Variants in ZNF813 observed in about 807,000 individuals in gnomAD.
The protein encoded by ZNF813 is zinc finger protein 813.
In ZNF813, 3 loss-of-function variants were observed where a neutral mutation model predicts 7.2. That is an observed-to-expected ratio of 0.42 (90% confidence interval 0.19 to 1.08). The LOEUF is 1.08. Among genes scored for constraint, ZNF813 ranks in the 50% least tolerant of loss-of-function variants. ZNF813 has a pLI of 0.30. For synonymous variants in ZNF813, 227 were observed against 256.3 expected (o/e 0.89, Z 1.09); for missense variants, 714 against 753.3 (o/e 0.95, Z 0.61).
intron 2 of ZNF813, among the ~76,000 whole-genome samples, chr19:53,486,351 G>C (rs1477585294): frequency 6.6e-6 from 1 of 151,826 alleles, no homozygotes. Context: ...GGAGGCTAAG[G>C]CAGGAGAATC....
chr19:53,470,963 G>A (rs1298253298), intron 1 of ZNF813, among the ~76,000 whole-genome samples: 8 of 152,098 alleles, frequency 5.3e-5, no homozygotes, highest in Non-Finnish European at 8.8e-5. Context: ...TTTATGATGC[G>A]GTTAAGCATG....
chr19:53,471,621 A>T (rs919704614), intron 1 of ZNF813, among the ~76,000 whole-genome samples: 4 of 152,100 alleles, frequency 2.6e-5, no homozygotes, highest in Middle Eastern at 3.4e-3. Context: ...CATCCTGGCT[A>T]ACACGGTGAA....
intron 3 of ZNF813, 134 bp from the exon 4 acceptor site, chr19:53,490,241 C>CTT (rs2086452667): frequency 1.9e-6 from 2 of 1,053,870 alleles, no homozygotes; most frequent in Admixed American, 5.4e-5. Flanking sequence ...GAATCTTACG[C>CTT]TTTTGTGTTC....
At chr19:53,476,796 T>A (rs1241302326) in intron 1 of ZNF813, among the ~76,000 whole-genome samples, 1 of 152,038 alleles carries the variant, frequency 6.6e-6, no homozygotes, top group Non-Finnish European at 1.5e-5. Flanking sequence ...TCTGAGTAGC[T>A]GGGACTACAG....
rs1412126866 is a variant in ZNF813 at position 53,492,180 on chromosome 19, A to G, written c.*94A>G. On this transcript the variant is annotated 3_prime_UTR_variant, in exon 4 of 4. Coordinates refer to ENST00000396403, the MANE Select transcript of ZNF813 (RefSeq NM_001004301.4). ...CCTTCTGTCACAATTCAGTCCTTGT[A>G]ATTCATAAGAATTCATACTGGAGAG... 3 of 1,495,644 alleles carry G rather than the reference A, an allele frequency of 2.0e-6. No homozygotes were observed. Among genetic ancestry groups the G allele is most frequent in the Non-Finnish European group, 2.7e-6 (3 of 1,109,634 alleles). The allele number at this position is 1,495,644 out of a possible 1,614,324, so 92.6% of individuals were successfully genotyped here.
rs1489522887 is a variant in ZNF813, at chr19:53,468,806, C to A, written c.-74+1017C>A. Among the ~76,000 whole-genome samples, 14 of 132,278 alleles carry A rather than the reference C, an allele frequency of 1.1e-4. 1 individual carries two copies. In the South Asian group the frequency reaches 3.6e-3, roughly 34 times the overall value. The allele number at this position is 132,278 out of a possible 152,430, so 86.8% of individuals were successfully genotyped here. Reference sequence around the variant, plus strand: ...GGAAATGGTCAGCTTTACACCTAGACATTCCATTCCCAGGGACCAGCAGGA... The same window carrying A: ...GGAAATGGTCAGCTTTACACCTAGAAATTCCATTCCCAGGGACCAGCAGGA... On this transcript the variant is annotated intron_variant, in intron 1 of 3. Coordinates refer to ENST00000396403, the MANE Select transcript of ZNF813 (RefSeq NM_001004301.4).
chr19:53,479,662 A>T, intron 1 of ZNF813: 1 of 1,199,128 alleles, frequency 8.3e-7, no homozygotes, highest in Non-Finnish European at 1.2e-6. Context: ...AGAAGATGGA[A>T]CTCCAGGAAA....
chr19:53,476,115 G>A (rs1448313968), intron 1 of ZNF813, among the ~76,000 whole-genome samples: 2 of 152,148 alleles, frequency 1.3e-5, no homozygotes, highest in South Asian at 2.1e-4. Flanking sequence ...GGCTCACTAT[G>A]ACACCTAGAT....
intron 1 of ZNF813, among the ~76,000 whole-genome samples, chr19:53,474,669 A>G (rs546224415): frequency 4.6e-5 from 7 of 151,876 alleles, no homozygotes; most frequent in African/African-American, 1.7e-4. Flanking sequence ...AGCCTGGGTG[A>G]CAGAGCGAGA....
Position 53,492,315 on chromosome 19 carries a change from G to A in ZNF813, c.*229G>A, listed in dbSNP as rs1249467383. ...TTAGAAATGTGAAGCATGTGACAAAGTTTACAGTGGCAAATCGAGCCTCAA... is the reference window on the plus strand; with the variant it reads ...TTAGAAATGTGAAGCATGTGACAAAATTTACAGTGGCAAATCGAGCCTCAA... On this transcript the variant is annotated 3_prime_UTR_variant, in exon 4 of 4. Transcript: ENST00000396403. 2.8e-6 allele frequency: 2 copies of A among 705,644 alleles called. No individual in the cohort carries two copies. The highest frequency in any genetic ancestry group is 3.6e-5 in the African/African-American group (2 of 55,964). The allele number at this position is 705,644 out of a possible 1,614,324, so 43.7% of individuals were successfully genotyped here.
At chr19:53,468,233 A>ATT (rs2086337918) in intron 1 of ZNF813, among the ~76,000 whole-genome samples, 1 of 35,136 alleles carries the variant, frequency 2.8e-5, no homozygotes, top group Non-Finnish European at 6.0e-5. Flanking sequence ...CCCCCCCCCC[A>ATT]CCTCCCTCCT....
Position 53,492,977 on chromosome 19 carries a change from A to G in ZNF813, c.*891A>G. ...ATCTTACAAATGTCATCAGTGTGGC[A>G]AGGTTTTCAGTCTGACTTCACTCCT... On this transcript the variant is annotated 3_prime_UTR_variant, in exon 4 of 4. Transcript: ENST00000396403. 1 of 459,776 alleles carries G rather than the reference A, an allele frequency of 2.2e-6. No homozygotes were observed. The highest frequency in any genetic ancestry group is 4.4e-6 in the Non-Finnish European group (1 of 225,114). 28.5% of individuals were successfully genotyped at this position (459,776 alleles called of 1,614,324 possible).
chr19:53,483,936 G>A, intron 2 of ZNF813, 99 bp downstream of exon 2: 1 of 1,604,948 alleles, frequency 6.2e-7, no homozygotes, highest in South Asian at 1.1e-5. Context: ...CATCCTGCCT[G>A]ACAGGTTTGC....
intron 1 of ZNF813, among the ~76,000 whole-genome samples, chr19:53,472,798 G>A (rs905616646): frequency 6.6e-6 from 1 of 151,976 alleles, no homozygotes; most frequent in Non-Finnish European, 1.5e-5. Flanking sequence ...TTTTATTCAA[G>A]ACGGGGTTGT....
At chr19:53,475,639 T>G (rs1369679134) in intron 1 of ZNF813, among the ~76,000 whole-genome samples, 1 of 152,250 alleles carries the variant, frequency 6.6e-6, no homozygotes. Flanking sequence ...CCCAGACGGT[T>G]AGTTGCTGTC....
At position 53,482,712 on chromosome 19, in the gene ZNF813, G is replaced by GTTTTTT. The variant is rs869250512; in HGVS notation, c.-73-1016_-73-1011dup. ...ATCAATCACATCAGGAATGCTTTTTGTTTTTTTTTTTTTTTTTTTTTTTTT... is the reference window on the plus strand; with the variant it reads ...ATCAATCACATCAGGAATGCTTTTTGTTTTTTTTTTTTTTTTTTTTTTTTTTTTTTT... On this transcript the variant is annotated intron_variant, in intron 1 of 3. Transcript: ENST00000396403. Among the ~76,000 whole-genome samples the GTTTTTT allele has an allele frequency of 1.8e-4, 16 of 89,086 alleles. 1 individual carries two copies. Among genetic ancestry groups the GTTTTTT allele is most frequent in the Admixed American group, 2.8e-4 (2 of 7,138 alleles). The allele number at this position is 89,086 out of a possible 152,430, so 58.4% of individuals were successfully genotyped here.
At chr19:53,485,530 T>A (rs2086427883) in intron 2 of ZNF813, among the ~76,000 whole-genome samples, 1 of 151,676 alleles carries the variant, frequency 6.6e-6, no homozygotes, top group East Asian at 1.9e-4. Context: ...TCTGTAGGTT[T>A]CATTATTTTG....
chr19:53,491,386 G>A lies in ZNF813; in HGVS notation c.1154G>A (p.Cys385Tyr), dbSNP rs369613599. ...RLHTGEKPYK[C>Y]NECGKTFSQE... ...CATACGGGAGAGAAACCTTATAAGTGTAATGAATGTGGCAAGACCTTCAGT... is the reference window on the plus strand; with the variant it reads ...CATACGGGAGAGAAACCTTATAAGTATAATGAATGTGGCAAGACCTTCAGT... The change falls in exon 4 of 4, where the codon TGT becomes TAT. Residue 385 changes from cysteine to tyrosine, a missense_variant. By Grantham distance (194) the Cys-to-Tyr change is radical. This residue lies in a region of ZNF813 where 563 missense variants were observed against 554.2 expected (regional missense o/e 1.02). Coordinates refer to ENST00000396403, the MANE Select transcript of ZNF813 (RefSeq NM_001004301.4). 4.3e-6 allele frequency: 7 copies of A among 1,613,370 alleles called. No homozygotes were observed. Among genetic ancestry groups the A allele is most frequent in the Non-Finnish European group, 5.9e-6 (7 of 1,179,440 alleles).
chr19:53,478,010 T>TTCCA, intron 1 of ZNF813, among the ~76,000 whole-genome samples: 1 of 152,262 alleles, frequency 6.6e-6, no homozygotes. Flanking sequence ...AATCTTGGCA[T>TTCCA]AGAGGTCAGC....
Sources: gnomAD v4.1 joint callset for allele counts (sites outside exome capture counted in the v4.1 genomes callset) on GRCh38, gnomAD v4.1.1 for gene constraint, gnomAD v4.1.1 regional missense constraint, MANE v1.5 for transcripts, NCBI Gene and HGNC (gene_info 2026-07-23, HGNC 2026-07-21) for gene names.